The following DOCK3 variants were observed in gnomAD, a reference collection of about 807,000 sequenced individuals.
The protein encoded by DOCK3 is dedicator of cytokinesis protein 3.
In DOCK3, 60 loss-of-function variants were observed where a neutral mutation model predicts 265.6. That is an observed-to-expected ratio of 0.23 (90% confidence interval 0.18 to 0.28). The LOEUF (loss-of-function observed/expected upper bound fraction) is 0.28, where lower values mean the gene tolerates loss of function less well. Among genes scored for constraint, DOCK3 ranks in the 10% least tolerant of loss-of-function variants. DOCK3 has a pLI of 1.00. For synonymous variants in DOCK3, 881 were observed against 938.0 expected, an observed-to-expected ratio of 0.94 and a Z score of 1.11; for missense variants, 1,981 against 2,594.3, an observed-to-expected ratio of 0.76 and a Z score of 5.14.
intron 38 of DOCK3, among the ~76,000 whole-genome samples, chr3:51,347,998 A>C (rs1227160394): frequency 6.6e-6 from 1 of 152,200 alleles, no homozygotes; most frequent in Non-Finnish European, 1.5e-5. Context: ...TTGTATCCTG[A>C]GACTTTGCTG....
In DOCK3 at chr3:51,374,122, C is replaced by T. The variant is rs1246421159; in HGVS notation, c.5294-347C>T. On this transcript the variant is annotated intron_variant, in intron 49 of 52. Coordinates refer to ENST00000266037, the MANE Select transcript of DOCK3 (RefSeq NM_004947.5). This position sits in a 1 kb window ranked among gnomAD's most constrained non-coding sequence, Gnocchi z 4.8. ...CTGGACCCCAGGAGAGCCCAGCATA[C>T]AGGCCACACCCATTTCCTGATAGTG... Among the ~76,000 whole-genome samples, 1 of 152,200 alleles carries T rather than the reference C, an allele frequency of 6.6e-6. No homozygotes were observed. The highest frequency in any genetic ancestry group is 1.5e-5 in the Non-Finnish European group (1 of 68,030).
chr3:51,341,240 C>G lies in DOCK3; in HGVS notation c.3770C>G (p.Ala1257Gly), dbSNP rs34183152. ...TCCATGCTGTCTGTCCCCACAGAGG[C>G]CGCATTTACCCTGCTCCTTTACTGT... Reference protein sequence around the residue: ...MHLQAENYTEAAFTLLLYCEL... With the variant: ...MHLQAENYTEGAFTLLLYCEL... The change falls in exon 38 of 53, where the codon GCC becomes GGC. Residue 1257 changes from alanine (A) to glycine (G), a missense_variant. Coordinates refer to ENST00000266037, the MANE Select transcript of DOCK3 (RefSeq NM_004947.5). 1.5e-5 allele frequency: 24 copies of G among 1,571,180 alleles called. No homozygotes were observed. Among genetic ancestry groups the G allele is most frequent in the Middle Eastern group, 1.9e-4 (1 of 5,370 alleles).
chr3:51,338,823 A>G (rs1167596444), intron 36 of DOCK3, 112 bp from the exon 37 acceptor site: 10 of 857,330 alleles, frequency 1.2e-5, no homozygotes, highest in Admixed American at 2.2e-5. Context: ...GTCTGCCTCC[A>G]GGGCCTGCCC....
chr3:50,716,989 C>T (rs1230704109), intron 1 of DOCK3, among the ~76,000 whole-genome samples: 1 of 152,110 alleles, frequency 6.6e-6, no homozygotes, highest in African/African-American at 2.4e-5. Flanking sequence ...TCTTTTGATA[C>T]TAAAAGTAGC....
At chr3:50,995,234 C>A (rs2078237193) in intron 5 of DOCK3, among the ~76,000 whole-genome samples, 1 of 152,178 alleles carries the variant, frequency 6.6e-6, no homozygotes, top group African/African-American at 2.4e-5. Context: ...TTTACATCTA[C>A]AATAAAAAGC....
At chr3:51,278,347 C>T in intron 26 of DOCK3, 1 of 985,392 alleles carries the variant, frequency 1.0e-6, no homozygotes, top group Non-Finnish European at 1.2e-6. Context: ...CCTTGGGCCC[C>T]TCATGCACCC....
intron 14 of DOCK3, among the ~76,000 whole-genome samples, chr3:51,223,327 C>T (rs892160874): frequency 1.3e-5 from 2 of 152,084 alleles, no homozygotes; most frequent in African/African-American, 4.8e-5. Context: ...TATTGATTAA[C>T]CTGTGTATAG....
At chr3:51,355,664 T>G (rs2086312392) in intron 41 of DOCK3, among the ~76,000 whole-genome samples, 1 of 152,214 alleles carries the variant, frequency 6.6e-6, no homozygotes, top group South Asian at 2.1e-4. Context: ...ATCTGCTTTT[T>G]TTCCACAAAA....
At chr3:50,734,894 C>T (rs913698249) in intron 1 of DOCK3, among the ~76,000 whole-genome samples, 6 of 152,238 alleles carry the variant, frequency 3.9e-5, no homozygotes, top group East Asian at 1.9e-4. Context: ...TCAGCCACCG[C>T]GCCCAGCCTG....
intron 49 of DOCK3, among the ~76,000 whole-genome samples, chr3:51,367,081 C>CA (rs1455213884): frequency 6.6e-6 from 1 of 152,170 alleles, no homozygotes; most frequent in African/African-American, 2.4e-5. Flanking sequence ...CTAGTATTAA[C>CA]AGTGGGCTGT....
Position 51,338,339 on chromosome 3 carries a change from ATCTGTGCTCTCTCT to A in DOCK3, c.3612-17_3612-4del. On this transcript the variant is annotated splice_region_variant and splice_polypyrimidine_tract_variant and intron_variant, in intron 35 of 52. Transcript: ENST00000266037. ...AGGCCCCACTTCATATCTGGTGCTC[ATCTGTGCTCTCTCT>A]TCCAGGGACTGCATGAAAGGAGAGG... is the stretch of plus-strand genomic sequence containing the variant. 1 of 1,551,632 alleles carries A rather than the reference ATCTGTGCTCTCTCT, an allele frequency of 6.4e-7. No individual in the cohort carries two copies. The highest frequency in any genetic ancestry group is 8.7e-7 in the Non-Finnish European group (1 of 1,146,926).
chr3:51,375,872 C>T (rs759292327), intron 51 of DOCK3, 37 bp downstream of exon 51: 10 of 1,608,560 alleles, frequency 6.2e-6, no homozygotes, highest in Non-Finnish European at 8.5e-6. Flanking sequence ...CCATGTCTGT[C>T]CCCATCCTGA....
chr3:51,210,916 A>G (rs1182327652), intron 13 of DOCK3, among the ~76,000 whole-genome samples: 1 of 152,198 alleles, frequency 6.6e-6, no homozygotes, highest in African/African-American at 2.4e-5. Context: ...CAACTCTTCT[A>G]TGTGAACTTT....
chr3:51,260,126 C>G (rs2079774716), intron 22 of DOCK3, 30 bp from the exon 23 acceptor site: 1 of 1,600,734 alleles, frequency 6.2e-7, no homozygotes. Context: ...TTCAACATCT[C>G]TCCATCACTT....
At chr3:50,866,456 G>C (rs957033159) in intron 3 of DOCK3, among the ~76,000 whole-genome samples, 1 of 149,642 alleles carries the variant, frequency 6.7e-6, no homozygotes, top group Admixed American at 6.8e-5. Context: ...CCGCACTCCA[G>C]CCTGGTGACA....
Position 50,675,357 on chromosome 3 carries a change from C to T in DOCK3, c.37+57C>T. 2 of 1,180,532 alleles carry T rather than the reference C, an allele frequency of 1.7e-6. No individual in the cohort carries two copies. Among genetic ancestry groups the T allele is most frequent in the African/African-American group, 3.2e-5 (2 of 61,748 alleles). 73.1% of individuals were successfully genotyped at this position (1,180,532 alleles called of 1,614,324 possible). On this transcript the variant is annotated intron_variant, in intron 1 of 52. Coordinates refer to ENST00000266037, the MANE Select transcript of DOCK3 (RefSeq NM_004947.5). This position sits in a 1 kb window ranked among gnomAD's most constrained non-coding sequence, Gnocchi z 6.1. ...GGTTCTGGGGGACGCGCCCAGCTCC[C>T]GGCCCCGCCTGGATTCGCATCCTCG...
intron 1 of DOCK3, among the ~76,000 whole-genome samples, chr3:50,680,648 G>C (rs1259735410): frequency 1.3e-5 from 2 of 150,854 alleles, no homozygotes; most frequent in Admixed American, 6.6e-5. Context: ...TAGGACAACA[G>C]GTCCATGCCA....
intron 1 of DOCK3, among the ~76,000 whole-genome samples, chr3:50,777,000 T>A (rs1205886559): frequency 2.0e-5 from 3 of 152,122 alleles, no homozygotes; most frequent in Non-Finnish European, 4.4e-5. Flanking sequence ...GAAGAGAGAA[T>A]GTGAGCCAAG....
At position 51,350,391 on chromosome 3, in the gene DOCK3, G is replaced by A. The variant is rs2085895253; in HGVS notation, c.4106G>A (p.Arg1369Gln). The part of the protein sequence containing the change: ...FYGRKFPFFL[R>Q]NKEYVCRGHD... ...GGCAGGAAGTTTCCTTTCTTTCTTC[G>A]GGTGAGTCCATTCAGATGGTCACAA... is the stretch of plus-strand genomic sequence containing the variant. The change falls in exon 40 of 53, where the codon CGG (arginine) becomes CAG (glutamine). Residue 1369 changes from arginine (R) to glutamine (Q), a missense_variant and splice_region_variant. By Grantham distance (43) the Arg-to-Gln change is conservative (BLOSUM62 1). Coordinates refer to ENST00000266037, the MANE Select transcript of DOCK3 (RefSeq NM_004947.5). 2.5e-6 allele frequency: 4 copies of A among 1,610,268 alleles called. No individual in the cohort carries two copies. The highest frequency in any genetic ancestry group is 2.2e-5 in the East Asian group (1 of 44,866).
Sources: gnomAD v4.1 joint callset for allele counts (sites outside exome capture counted in the v4.1 genomes callset) on GRCh38, gnomAD v4.1.1 for gene constraint, Gnocchi (gnomAD v3.1) non-coding constraint, MANE v1.5 for transcripts, NCBI Gene and HGNC (gene_info 2026-07-23, HGNC 2026-07-21) for gene names.